Variants in EPB41L3 observed in about 807,000 individuals in gnomAD.
The protein encoded by EPB41L3 is band 4.1-like protein 3.
A neutral mutation model predicts 127.1 loss-of-function variants in EPB41L3; 57 were observed. The observed-to-expected ratio is 0.45, with a 90% confidence interval of 0.36 to 0.56. The LOEUF (loss-of-function observed/expected upper bound fraction) is 0.56. EPB41L3 is among the 20% of genes least tolerant of loss of function. EPB41L3 has a pLI of 0.00. For synonymous variants in EPB41L3, 572 were observed against 549.5 expected (o/e 1.04, Z -0.57); for missense variants, 1,273 against 1,372.2 (o/e 0.93, Z 1.14).
intron 1 of EPB41L3, among the ~76,000 whole-genome samples, chr18:5,501,277 A>AAATGAATG (rs77332925): frequency 0.022 from 3,353 of 150,976 alleles, 52 homozygotes; most frequent in East Asian, 0.068. Flanking sequence ...TTAAGTATTT[A>AAATGAATG]AATGAATGAA....
chr18:5,498,334 C>T (rs1296904271), intron 1 of EPB41L3, among the ~76,000 whole-genome samples: 2 of 152,106 alleles, frequency 1.3e-5, no homozygotes, highest in African/African-American at 4.8e-5. Flanking sequence ...TGGCTCACGC[C>T]TGTAATTCCA....
At chr18:5,436,066 C>G (rs144162668) in intron 6 of EPB41L3, among the ~76,000 whole-genome samples, 55 of 152,244 alleles carry the variant, frequency 3.6e-4, no homozygotes, top group Middle Eastern at 6.8e-3. Flanking sequence ...GTTGATTTGT[C>G]TTCTCCGTTA....
chr18:5,445,067 C>A, intron 4 of EPB41L3, 73 bp downstream of exon 4: 2 of 1,080,616 alleles, frequency 1.9e-6, no homozygotes, highest in Non-Finnish European at 2.9e-6. Flanking sequence ...TCCACCCATT[C>A]AGTTTCAGTT....
At chr18:5,394,831 G>T in intron 21 of EPB41L3, 38 bp from the exon 22 acceptor site, 1 of 1,596,146 alleles carries the variant, frequency 6.3e-7, no homozygotes, top group African/African-American at 1.3e-5. Context: ...GAAACAAAAA[G>T]GAGGTGGAAC....
rs56282037 is a variant in EPB41L3 at position 5,506,152 on chromosome 18, C to G, written c.-11-16958G>C. Among the ~76,000 whole-genome samples, 794 of 152,142 alleles carry G rather than the reference C, an allele frequency of 5.2e-3. 12 individuals are homozygous for G. Among genetic ancestry groups the G allele is most frequent in the African/African-American group, 0.017 (702 of 41,514 alleles). ...TGCTTGCCCAGTTACTCCAGTGTACCTCCCAACTGGTCTCCCTACCTCTGC... is the reference window on the plus strand; with the variant it reads ...TGCTTGCCCAGTTACTCCAGTGTACGTCCCAACTGGTCTCCCTACCTCTGC... On this transcript the variant is annotated intron_variant, in intron 1 of 22. Transcript: ENST00000341928.
rs1009517972 is a variant in EPB41L3 at position 5,539,811 on chromosome 18, A to G, written c.-12+4102T>C. The G allele has an allele frequency of 4.6e-5, 7 of 152,252 alleles. 1 individual carries two copies. Among genetic ancestry groups the G allele is most frequent in the South Asian group, 2.1e-4 (1 of 4,836 alleles). The allele number at this position is 152,252 out of a possible 1,614,324, so 9.4% of individuals were successfully genotyped here. A position where few individuals can be genotyped will look rare whatever the true frequency, so the allele number is the denominator to read the frequency against. ...ATATGTCTCTGATCATCTCTGCACT[A>G]GAATTCTAAATTAGGATTAAAATGC... is the stretch of plus-strand genomic sequence containing the variant. On this transcript the variant is annotated intron_variant, in intron 1 of 22. Transcript: ENST00000341928.
chr18:5,525,197 C>A (rs2093173393), intron 1 of EPB41L3, among the ~76,000 whole-genome samples: 1 of 152,136 alleles, frequency 6.6e-6, no homozygotes, highest in Non-Finnish European at 1.5e-5. Flanking sequence ...CCAAGTAGAG[C>A]AGGCCCCTGA....
chr18:5,584,372 A>T (rs922057285), intron 3 of EPB41L3, among the ~76,000 whole-genome samples: 4 of 152,224 alleles, frequency 2.6e-5, no homozygotes, highest in African/African-American at 7.2e-5. Flanking sequence ...GGTGAAAGTC[A>T]TATTTTGTTG....
At chr18:5,444,901 T>C (rs554440911) in intron 4 of EPB41L3, among the ~76,000 whole-genome samples, 1 of 152,094 alleles carries the variant, frequency 6.6e-6, no homozygotes. Context: ...CACAAATAAT[T>C]CAAGCATGAA....
intron 3 of EPB41L3, among the ~76,000 whole-genome samples, chr18:5,448,073 T>C (rs2081773498): frequency 6.6e-6 from 1 of 152,228 alleles, no homozygotes; most frequent in African/African-American, 2.4e-5. Context: ...GAAAAGGCTT[T>C]TAAGTTATTC....
intron 3 of EPB41L3, among the ~76,000 whole-genome samples, chr18:5,571,892 T>C (rs1357759452): frequency 6.6e-6 from 1 of 152,152 alleles, no homozygotes; most frequent in Non-Finnish European, 1.5e-5. Flanking sequence ...GAAAAATATA[T>C]CCATGAAAGT....
chr18:5,393,639 A>G (rs926909071), intron 22 of EPB41L3, 161 bp from the exon 23 acceptor site: 1 of 511,288 alleles, frequency 2.0e-6, no homozygotes, highest in Non-Finnish European at 3.4e-6. Flanking sequence ...GCTTTCTCTT[A>G]AGTAATTACA....
chr18:5,443,954 T>C, intron 4 of EPB41L3, 74 bp from the exon 5 acceptor site: 1 of 1,277,082 alleles, frequency 7.8e-7, no homozygotes, highest in Non-Finnish European at 1.1e-6. Context: ...AGGTACAGAC[T>C]CTCCCTAAAT....
intron 18 of EPB41L3, among the ~76,000 whole-genome samples, chr18:5,396,718 G>C (rs144623622): frequency 2.4e-3 from 364 of 152,268 alleles, no homozygotes; most frequent in African/African-American, 8.5e-3. Flanking sequence ...TTCTGGAAAA[G>C]TGCACTGATA....
intron 1 of EPB41L3, among the ~76,000 whole-genome samples, chr18:5,624,059 G>C (rs1482781372): frequency 6.6e-6 from 1 of 152,132 alleles, no homozygotes. Flanking sequence ...GGAGTGCAGT[G>C]GCACACAATC....
chr18:5,405,812 C>A lies in EPB41L3; in HGVS notation c.2349+965G>T, dbSNP rs532302566. 1.1e-4 allele frequency among the ~76,000 whole-genome samples: 5 copies of A among 47,480 alleles called. No homozygotes were observed. In the South Asian group the frequency reaches 5.8e-3, roughly 55 times the overall value. 31.1% of individuals were successfully genotyped at this position (47,480 alleles called of 152,430 possible). A position where few individuals can be genotyped will look rare whatever the true frequency, so the allele number is the denominator to read the frequency against. On this transcript the variant is annotated intron_variant, in intron 16 of 22. Coordinates refer to ENST00000341928, the MANE Select transcript of EPB41L3 (RefSeq NM_012307.5). ...AACAAACAAACAAAAACAAAAAAAA[C>A]TATGTCTCAAAAAAAAAAAAAAATC...
chr18:5,627,754 C>CT (rs1456210533), intron 1 of EPB41L3, among the ~76,000 whole-genome samples: 1 of 152,202 alleles, frequency 6.6e-6, no homozygotes, highest in Non-Finnish European at 1.5e-5. Flanking sequence ...CCCTCAATAA[C>CT]TTAACATTCC....
intron 1 of EPB41L3, among the ~76,000 whole-genome samples, chr18:5,515,120 T>C (rs1041993783): frequency 6.6e-6 from 1 of 152,188 alleles, no homozygotes; most frequent in African/African-American, 2.4e-5. Context: ...ATATGCACTT[T>C]GGCTCCTTGG....
intron 1 of EPB41L3, among the ~76,000 whole-genome samples, chr18:5,615,536 T>C (rs974123386): frequency 2.6e-5 from 4 of 152,136 alleles, no homozygotes; most frequent in Admixed American, 6.5e-5. Context: ...TATACAAAAA[T>C]AACATCACCG....
Sources: allele counts gnomAD v4.1 joint callset (sites outside exome capture counted in the v4.1 genomes callset), GRCh38; gene constraint gnomAD v4.1.1; transcripts MANE v1.5; gene names NCBI Gene and HGNC (gene_info 2026-07-23, HGNC 2026-07-21).